The following SLC5A10 variants were observed in gnomAD, a reference collection of about 807,000 sequenced individuals.
The protein encoded by SLC5A10 is solute carrier family 5 member 10.
Under a neutral mutation model 68.9 loss-of-function variants are expected in SLC5A10, and 55 were observed. That is an observed-to-expected ratio of 0.80 (90% CI 0.64 to 1.00). SLC5A10 has a LOEUF of 1.00. Ranked by LOEUF, SLC5A10 falls within the 50% of genes least tolerant of loss-of-function variation. The pLI is 0.00. For missense variants in SLC5A10, 732 were observed against 819.3 expected, an observed-to-expected ratio of 0.89 and a Z score of 1.30; for synonymous variants, 344 against 344.8, an observed-to-expected ratio of 1.00 and a Z score of 0.02.
chr17:18,990,513 C>T (rs922330994), intron 9 of SLC5A10, among the ~76,000 whole-genome samples: 1 of 152,224 alleles, frequency 6.6e-6, no homozygotes, highest in Admixed American at 6.5e-5. Context: ...GGGCACCAGG[C>T]CCTGCCTACC....
chr17:18,966,763 A>AC (rs2042717467), intron 5 of SLC5A10, among the ~76,000 whole-genome samples: 2 of 151,470 alleles, frequency 1.3e-5, no homozygotes, highest in South Asian at 4.2e-4. Flanking sequence ...AAAAAAAAAA[A>AC]AAACAACACT....
chr17:18,976,324 T>TC (rs1315847888), intron 8 of SLC5A10: 1 of 152,736 alleles, frequency 6.5e-6, no homozygotes, highest in Non-Finnish European at 1.5e-5. Context: ...TGCTGAAGGC[T>TC]CCCAGAAGGG....
chr17:18,978,258 G>A, intron 9 of SLC5A10: 3 of 1,606,076 alleles, frequency 1.9e-6, no homozygotes, highest in Non-Finnish European at 2.6e-6. Flanking sequence ...TCTGGACGGG[G>A]CCTGCTGTCC....
rs2044228082 is a variant in SLC5A10, at chr17:19,019,912, C to A, written c.1610C>A (p.Pro537His). The A allele has an allele frequency of 1.2e-6, 2 of 1,607,816 alleles. No individual in the cohort carries two copies. Among genetic ancestry groups the A allele is most frequent in the Admixed American group, 3.4e-5 (2 of 59,524 alleles). Residue 537 changes from proline (P) to histidine (H), a missense_variant, in exon 13 of 15, where the codon CCC becomes CAC. By Grantham distance (77) the Pro-to-His change is moderately conservative. Coordinates refer to ENST00000395645, the MANE Select transcript of SLC5A10 (RefSeq NM_001042450.4). The part of the protein sequence containing the change: ...VVVAGSLLTP[P>H]PQSVQIENLT... ...GTGGCTGGAAGCCTGCTGACCCCAC[C>A]CCCACAGAGTGTCCAGGTGAGCCAG...
rs2044277681 is a variant in SLC5A10 at position 19,022,323 on chromosome 17, C to G, written c.*1892C>G. The G allele has an allele frequency of 2.1e-6, 1 of 465,784 alleles. No homozygotes were observed. 28.9% of individuals were successfully genotyped at this position (465,784 alleles called of 1,614,324 possible). A position where few individuals can be genotyped will look rare whatever the true frequency, so the allele number is the denominator to read the frequency against. On this transcript the variant is annotated 3_prime_UTR_variant, in exon 15 of 15. Coordinates refer to ENST00000395645, the MANE Select transcript of SLC5A10 (RefSeq NM_001042450.4). ...ACCACTGGGCCTCCTGCTGCCCACA[C>G]CCCTGCCTGTCTGCTGTGCAGATGC...
intron 5 of SLC5A10, among the ~76,000 whole-genome samples, chr17:18,961,047 G>GACCTGCCTCTCACCCC (rs1244401940): frequency 6.6e-6 from 1 of 152,188 alleles, no homozygotes; most frequent in Non-Finnish European, 1.5e-5. Flanking sequence ...GCACTGAGCT[G>GACCTGCCTCTCACCCC]ACCTGCCTCT....
intron 9 of SLC5A10, among the ~76,000 whole-genome samples, chr17:19,005,838 G>T (rs776892648): frequency 1.3e-5 from 2 of 152,188 alleles, no homozygotes; most frequent in African/African-American, 2.4e-5. Context: ...TGAACATAGT[G>T]GCCCCTGGGG....
chr17:18,965,540 G>A (rs1273200169), intron 5 of SLC5A10, among the ~76,000 whole-genome samples: 4 of 152,222 alleles, frequency 2.6e-5, no homozygotes, highest in Non-Finnish European at 2.9e-5. Context: ...CCTCAGACAC[G>A]CCCTGGAGTG....
Position 18,991,718 on chromosome 17 carries a change from C to T in SLC5A10, c.982+14729C>T, listed in dbSNP as rs1038939639. Among the ~76,000 whole-genome samples, 13 of 152,310 alleles carry T rather than the reference C, an allele frequency of 8.5e-5. No individual in the cohort carries two copies. In the South Asian group the frequency reaches 1.9e-3, roughly 22 times the overall value. ...GCACCCCAGGTACCGTTGTCAAAGC[C>T]GACGGGCAGCTCCCAGCCCAGCAGC... On this transcript the variant is annotated intron_variant, in intron 9 of 14. Transcript: ENST00000395645.
rs2043584375 is a variant in SLC5A10, at chr17:18,996,919, G to A, written c.983-16491G>A. 6.6e-6 allele frequency among the ~76,000 whole-genome samples: 1 copy of A among 152,214 alleles called. No individual in the cohort carries two copies. On this transcript the variant is annotated intron_variant, in intron 9 of 14. Coordinates refer to ENST00000395645, the MANE Select transcript of SLC5A10 (RefSeq NM_001042450.4). The surrounding 1 kb of genome is among the most constrained non-coding windows in gnomAD (Gnocchi z 4.4). ...TTAATGCCTGGGCCTCCCTGGCTCTGCCATGCCTTCCCTGGGTGGCCCATG... is the reference window on the plus strand; with the variant it reads ...TTAATGCCTGGGCCTCCCTGGCTCTACCATGCCTTCCCTGGGTGGCCCATG...
chr17:18,989,878 G>A (rs2043368495), intron 9 of SLC5A10, among the ~76,000 whole-genome samples: 1 of 152,214 alleles, frequency 6.6e-6, no homozygotes, highest in South Asian at 2.1e-4. Context: ...CTACCTCCGA[G>A]TCAGGTCAGG....
intron 5 of SLC5A10, among the ~76,000 whole-genome samples, chr17:18,962,615 G>A (rs1258435058): frequency 4.6e-5 from 7 of 152,144 alleles, no homozygotes; most frequent in Non-Finnish European, 8.8e-5. Flanking sequence ...AGAGGTTGAA[G>A]TGCCCAAGGT....
intron 9 of SLC5A10, among the ~76,000 whole-genome samples, chr17:18,988,018 C>G (rs2043313566): frequency 1.3e-5 from 2 of 152,224 alleles, no homozygotes; most frequent in African/African-American, 2.4e-5. Context: ...CAGCAAGCAC[C>G]TAATCAGTGT....
chr17:19,012,635 G>A (rs2044039799), intron 9 of SLC5A10, among the ~76,000 whole-genome samples: 1 of 152,216 alleles, frequency 6.6e-6, no homozygotes, highest in Admixed American at 6.5e-5. Flanking sequence ...CGAGGCCTGG[G>A]GCAGGCCTCA....
Position 18,952,219 on chromosome 17 carries a change from C to T in SLC5A10, c.14C>T (p.Ser5Phe), listed in dbSNP as rs1451224341. The T allele has an allele frequency of 6.2e-7, 1 of 1,613,196 alleles. No individual in the cohort carries two copies. Among genetic ancestry groups the T allele is most frequent in the Non-Finnish European group, 8.5e-7 (1 of 1,179,630 alleles). The stretch of plus-strand genomic sequence containing the variant: ...GGCAGGACAGCCATGGCCGCCAACT[C>T]CACCAGCGACCTCCACACTCCCGGG... MAAN[S>F]TSDLHTPGTQ... is the part of the protein sequence containing the mutation. The change falls in exon 1 of 15, where the codon TCC (serine) becomes TTC (phenylalanine). Residue 5 changes from serine (S) to phenylalanine (F), a missense_variant. Transcript: ENST00000395645.
rs537240210 is a variant in SLC5A10 at position 19,022,203 on chromosome 17, C to T, written c.*1772C>T. 2.8e-5 allele frequency: 27 copies of T among 953,278 alleles called. No individual in the cohort carries two copies. The African/African-American group carries it at 4.3e-4, about 15-fold the overall frequency. The allele number at this position is 953,278 out of a possible 1,614,324, so 59.1% of individuals were successfully genotyped here. ...TCAGAAGCCCTGCAACCCACCCTCC[C>T]TCAGAGGCACCCAAGAGAAGTGATT... On this transcript the variant is annotated 3_prime_UTR_variant, in exon 15 of 15. Transcript: ENST00000395645.
intron 9 of SLC5A10, among the ~76,000 whole-genome samples, chr17:18,983,438 T>C (rs549907701): frequency 1.3e-5 from 2 of 152,350 alleles, no homozygotes; most frequent in African/African-American, 2.4e-5. Flanking sequence ...AAGCCAGTGA[T>C]TACTTCCCCT....
At chr17:18,980,498 T>C (rs2043103599) in intron 9 of SLC5A10, among the ~76,000 whole-genome samples, 1 of 152,102 alleles carries the variant, frequency 6.6e-6, no homozygotes, top group Non-Finnish European at 1.5e-5. Context: ...TCACCGGCCT[T>C]TTCCTGGACC....
In SLC5A10 at chr17:19,004,481, C is replaced by T. The variant is rs1476036860; in HGVS notation, c.983-8929C>T. On this transcript the variant is annotated intron_variant, in intron 9 of 14. Transcript: ENST00000395645. This position sits in a 1 kb window ranked among gnomAD's most constrained non-coding sequence, Gnocchi z 5.4. ...AAACTAGGGCAGCCGGGGAACTTCCCAGTAGCTTCTTAGAGTGGGAGGCGG... is the reference window on the plus strand; with the variant it reads ...AAACTAGGGCAGCCGGGGAACTTCCTAGTAGCTTCTTAGAGTGGGAGGCGG... 6.6e-6 allele frequency among the ~76,000 whole-genome samples: 1 copy of T among 152,148 alleles called. No individual in the cohort carries two copies. The highest frequency in any genetic ancestry group is 1.5e-5 in the Non-Finnish European group (1 of 68,006).
Sources: gnomAD v4.1 joint callset for allele counts (sites outside exome capture counted in the v4.1 genomes callset) on GRCh38, gnomAD v4.1.1 for gene constraint, Gnocchi (gnomAD v3.1) non-coding constraint, MANE v1.5 for transcripts, NCBI Gene and HGNC (gene_info 2026-07-23, HGNC 2026-07-21) for gene names.